CNTNAP2: variants seen among roughly 807,000 people sequenced by gnomAD.
CNTNAP2 encodes contactin-associated protein-like 2.
A neutral mutation model predicts 155.2 loss-of-function variants in CNTNAP2; 98 were observed. That is an observed-to-expected ratio of 0.63 (90% CI 0.54 to 0.75). The LOEUF (loss-of-function observed/expected upper bound fraction) is 0.75. Ranked by LOEUF, CNTNAP2 falls within the 30% of genes least tolerant of loss-of-function variation. The pLI, the probability that CNTNAP2 is intolerant of heterozygous loss-of-function variation, is 0.00. For missense variants in CNTNAP2, 1,727 were observed against 1,688.1 expected, an observed-to-expected ratio of 1.02 and a Z score of -0.40; for synonymous variants, 651 against 631.2, an observed-to-expected ratio of 1.03 and a Z score of -0.47.
chr7:147,481,553 C>A (rs1798423534), intron 10 of CNTNAP2, among the ~76,000 whole-genome samples: 1 of 152,188 alleles, frequency 6.6e-6, no homozygotes, highest in Non-Finnish European at 1.5e-5. Flanking sequence ...CCCATTTGAC[C>A]TTCCAAAATA....
intron 10 of CNTNAP2, among the ~76,000 whole-genome samples, chr7:147,448,560 T>C (rs1797780634): frequency 6.6e-6 from 1 of 151,394 alleles, no homozygotes; most frequent in African/African-American, 2.4e-5. Flanking sequence ...AACAAGTATA[T>C]GGCAAGCAAT....
chr7:147,291,163 T>G (rs914661491), intron 8 of CNTNAP2, among the ~76,000 whole-genome samples: 1 of 152,060 alleles, frequency 6.6e-6, no homozygotes, highest in African/African-American at 2.4e-5. Context: ...TTTTTTAAAT[T>G]TTATTTTACT....
chr7:146,892,897 G>A (rs1371998872), intron 3 of CNTNAP2, among the ~76,000 whole-genome samples: 4 of 152,100 alleles, frequency 2.6e-5, no homozygotes, highest in Admixed American at 6.6e-5. Flanking sequence ...ACTTCTGATC[G>A]TAATCTTCTT....
At chr7:148,138,832 C>A (rs1256929494) in intron 16 of CNTNAP2, among the ~76,000 whole-genome samples, 2 of 152,174 alleles carry the variant, frequency 1.3e-5, no homozygotes, top group African/African-American at 4.8e-5. Flanking sequence ...GGGATTGTTG[C>A]CAGCCACATA....
rs529272393 is a variant in CNTNAP2 at position 146,842,279 on chromosome 7, T to C, written c.402+2375T>C. Among the ~76,000 whole-genome samples, 58 of 152,254 alleles carry C rather than the reference T, an allele frequency of 3.8e-4. 1 individual carries two copies. The South Asian group carries it at 0.011, about 30-fold the overall frequency. On this transcript the variant is annotated intron_variant, in intron 3 of 23. Coordinates refer to ENST00000361727, the MANE Select transcript of CNTNAP2 (RefSeq NM_014141.6). ...AACATCACAAATTATGAAGATATGCTGGGTCTACTTATAGGGCTCTCCATC... is the reference window on the plus strand; with the variant it reads ...AACATCACAAATTATGAAGATATGCCGGGTCTACTTATAGGGCTCTCCATC...
At chr7:147,295,801 A>G (rs1438258554) in intron 8 of CNTNAP2, among the ~76,000 whole-genome samples, 1 of 152,162 alleles carries the variant, frequency 6.6e-6, no homozygotes, top group Non-Finnish European at 1.5e-5. Flanking sequence ...ACCTCTTGAT[A>G]ATTAACATTA....
chr7:146,708,587 G>GTTTTTTTTT (rs1377602688), intron 1 of CNTNAP2, among the ~76,000 whole-genome samples: 1 of 67,392 alleles, frequency 1.5e-5, no homozygotes, highest in African/African-American at 9.6e-5. Flanking sequence ...AAAAAAAAGT[G>GTTTTTTTTT]ATTTTTTTTT....
intron 21 of CNTNAP2, among the ~76,000 whole-genome samples, chr7:148,366,047 CATGTGTGTGTATGCATGTATGCATGT>C (rs1213388932): frequency 0.23 from 327 of 1,394 alleles, 161 homozygotes; most frequent in African/African-American, 0.25. Flanking sequence ...TGCATGTATG[CATGTGTGTGTATGCATGTATGCATGT>C]ATGTGTGTGC....
intron 3 of CNTNAP2, among the ~76,000 whole-genome samples, chr7:146,856,783 A>C (rs1476822100): frequency 2.0e-5 from 3 of 152,186 alleles, no homozygotes; most frequent in Non-Finnish European, 4.4e-5. Flanking sequence ...AGAAAACAAA[A>C]GTCAAACCAA....
At chr7:146,257,038 TG>T (rs1343805892) in intron 1 of CNTNAP2, among the ~76,000 whole-genome samples, 1 of 152,216 alleles carries the variant, frequency 6.6e-6, no homozygotes, top group Non-Finnish European at 1.5e-5. Flanking sequence ...CATTTTAATT[TG>T]TAGGTTCATT....
chr7:148,168,465 A>G (rs1805714676), intron 17 of CNTNAP2, among the ~76,000 whole-genome samples: 2 of 151,570 alleles, frequency 1.3e-5, no homozygotes, highest in Non-Finnish European at 2.9e-5. Context: ...TGCAAGGACG[A>G]AAAACCAAAC....
intron 20 of CNTNAP2, among the ~76,000 whole-genome samples, chr7:148,235,308 C>T (rs1484252013): frequency 6.6e-6 from 1 of 152,126 alleles, no homozygotes; most frequent in Non-Finnish European, 1.5e-5. Flanking sequence ...ACATTAGCAA[C>T]ATGTAGTGTG....
At chr7:146,949,395 C>A (rs1196189168) in intron 3 of CNTNAP2, among the ~76,000 whole-genome samples, 2 of 152,132 alleles carry the variant, frequency 1.3e-5, no homozygotes, top group Non-Finnish European at 2.9e-5. Context: ...TTTTATAGTT[C>A]TTTGCTTTTG....
chr7:148,175,738 A>G (rs1350651290), intron 18 of CNTNAP2, among the ~76,000 whole-genome samples: 1 of 152,072 alleles, frequency 6.6e-6, no homozygotes, highest in East Asian at 1.9e-4. Flanking sequence ...CAGATAAGCT[A>G]AGTCTCACCC....
intron 15 of CNTNAP2, among the ~76,000 whole-genome samples, chr7:148,112,219 G>GA (rs1449359946): frequency 1.3e-5 from 2 of 151,240 alleles, no homozygotes; most frequent in African/African-American, 4.8e-5. Context: ...ATAAGCAAAT[G>GA]AAAAAAATAA....
intron 10 of CNTNAP2, among the ~76,000 whole-genome samples, chr7:147,465,963 C>T (rs1798112862): frequency 6.6e-6 from 1 of 152,064 alleles, no homozygotes; most frequent in African/African-American, 2.4e-5. Flanking sequence ...TAAACATTGC[C>T]ATATTTATAT....
chr7:147,329,064 A>C (rs1795509799), intron 9 of CNTNAP2, among the ~76,000 whole-genome samples: 1 of 152,150 alleles, frequency 6.6e-6, no homozygotes, highest in Non-Finnish European at 1.5e-5. Context: ...TGCAATGAAA[A>C]ATAAGACAGA....
chr7:147,558,592 T>C (rs1799994060), intron 11 of CNTNAP2, among the ~76,000 whole-genome samples: 1 of 152,226 alleles, frequency 6.6e-6, no homozygotes, highest in African/African-American at 2.4e-5. Flanking sequence ...TGGTTTTCTG[T>C]AAGCGTTGAT....
intron 13 of CNTNAP2, among the ~76,000 whole-genome samples, chr7:147,685,957 G>A (rs1427926625): frequency 1.3e-5 from 2 of 151,936 alleles, no homozygotes; most frequent in Non-Finnish European, 2.9e-5. Context: ...CAGGAGTGAG[G>A]GGCAGACTTA....
Sources: allele counts gnomAD v4.1 joint callset (sites outside exome capture counted in the v4.1 genomes callset), GRCh38; gene constraint gnomAD v4.1.1; transcripts MANE v1.5; gene names NCBI Gene and HGNC (gene_info 2026-07-23, HGNC 2026-07-21).